SNX8: variants seen among roughly 807,000 people sequenced by gnomAD.
The protein encoded by SNX8 is sorting nexin 8.
In SNX8, 25 loss-of-function variants were observed where a neutral mutation model predicts 51.6. The ratio of observed to expected loss-of-function variants is 0.48; its 90% CI spans 0.35 to 0.68. The LOEUF (loss-of-function observed/expected upper bound fraction) is 0.68. SNX8 is among the 30% of genes least tolerant of loss of function. The pLI, the probability that SNX8 is intolerant of heterozygous loss-of-function variation, is 0.00. For synonymous variants in SNX8, 324 were observed against 277.0 expected (o/e 1.17, Z -1.68); for missense variants, 695 against 624.0 (o/e 1.11, Z -1.21).
chr7:2,308,085 G>A (rs1484445812), intron 1 of SNX8: 1 of 152,100 alleles, frequency 6.6e-6, no homozygotes, highest in Non-Finnish European at 1.5e-5. Flanking sequence ...GAGAGAGAGA[G>A]AGGATGAGCA....
chr7:2,328,741 G>A (rs1199482907), intron 1 of SNX8, among the ~76,000 whole-genome samples: 4 of 152,024 alleles, frequency 2.6e-5, no homozygotes. Context: ...CACAAGGTCA[G>A]GAGATCGAGA....
chr7:2,338,047 C>G (rs762643440), intron 1 of SNX8, among the ~76,000 whole-genome samples: 24 of 152,072 alleles, frequency 1.6e-4, no homozygotes, highest in Non-Finnish European at 2.8e-4. Context: ...GCGAAAGGGC[C>G]AGGCGCAGTG....
intron 1 of SNX8, among the ~76,000 whole-genome samples, chr7:2,287,167 G>T (rs989023221): frequency 6.6e-6 from 1 of 151,112 alleles, no homozygotes; most frequent in African/African-American, 2.4e-5. Flanking sequence ...ATTTTTCATA[G>T]AGATAGGGTC....
intron 1 of SNX8, among the ~76,000 whole-genome samples, chr7:2,348,717 C>T (rs570014286): frequency 7.3e-5 from 11 of 151,274 alleles, no homozygotes; most frequent in South Asian, 2.1e-4. Flanking sequence ...CTCTGAGAGG[C>T]GGGCGGATCA....
At chr7:2,339,061 G>A (rs1778878037) in intron 1 of SNX8, among the ~76,000 whole-genome samples, 1 of 151,998 alleles carries the variant, frequency 6.6e-6, no homozygotes, top group Non-Finnish European at 1.5e-5. Context: ...ATAGGCACAA[G>A]TCACCACACC....
intron 1 of SNX8, among the ~76,000 whole-genome samples, chr7:2,278,804 G>A (rs1204651823): frequency 5.3e-5 from 2 of 37,420 alleles, no homozygotes; most frequent in African/African-American, 2.1e-4. Flanking sequence ...CTCACACTAC[G>A]GAGTCGACGC....
upstream of SNX8, among the ~76,000 whole-genome samples, chr7:2,317,126 G>A (rs565900443): frequency 3.3e-5 from 5 of 152,130 alleles, no homozygotes; most frequent in Admixed American, 2.0e-4. Flanking sequence ...AGGAGGGCAC[G>A]AAGGCTCTGA....
intron 7 of SNX8, among the ~76,000 whole-genome samples, chr7:2,258,153 G>A (rs1271126556): frequency 6.6e-6 from 1 of 152,102 alleles, no homozygotes; most frequent in Non-Finnish European, 1.5e-5. Context: ...TGGGACTACA[G>A]GCGCCCTCCA....
chr7:2,266,193 TGTC>T (rs1011136234), intron 5 of SNX8, among the ~76,000 whole-genome samples: 1 of 152,158 alleles, frequency 6.6e-6, no homozygotes, highest in African/African-American at 2.4e-5. Context: ...TTGTTGTTGT[TGTC>T]GTCTTTGACA....
At chr7:2,332,582 C>T (rs1210829552) in intron 1 of SNX8, among the ~76,000 whole-genome samples, 4 of 152,060 alleles carry the variant, frequency 2.6e-5, no homozygotes, top group Admixed American at 1.3e-4. Flanking sequence ...ACTGAGACCC[C>T]ATCTCTACCA....
intron 6 of SNX8, 64 bp downstream of exon 6, chr7:2,264,234 C>G: frequency 6.6e-7 from 1 of 1,504,896 alleles, no homozygotes; most frequent in Non-Finnish European, 9.1e-7. Context: ...CCGCCCAAGC[C>G]CTTCACCAGC....
At chr7:2,351,244 TCA>T (rs1179653543) in intron 1 of SNX8, among the ~76,000 whole-genome samples, 2 of 152,180 alleles carry the variant, frequency 1.3e-5, no homozygotes, top group African/African-American at 4.8e-5. Context: ...TCCCACTCCT[TCA>T]CCTCAGAGGC....
rs182104805 is a variant in SNX8, at chr7:2,271,955, G to C, written c.435C>G (p.Ile145Met). 1.9e-6 allele frequency: 3 copies of C among 1,614,028 alleles called. No individual in the cohort carries two copies. The highest frequency in any genetic ancestry group is 3.3e-5 in the Admixed American group (2 of 60,028). Reference sequence around the variant, plus strand: ...GCTTCAGGGCTCTCCTCCTGGCCTCGATGAACTCCCTGTCAGCTGGAGGAG... The same window carrying C: ...GCTTCAGGGCTCTCCTCCTGGCCTCCATGAACTCCCTGTCAGCTGGAGGAG... ...KRMLGADREF[I>M]EARRRALKRF... Residue 145 changes from isoleucine to methionine, a missense_variant, in exon 4 of 11, where the codon ATC becomes ATG. Ile to Met is a conservative substitution (Grantham distance 10, BLOSUM62 1). Transcript: ENST00000222990.
intron 1 of SNX8, among the ~76,000 whole-genome samples, chr7:2,281,659 C>G (rs1795908874): frequency 6.6e-6 from 1 of 152,142 alleles, no homozygotes; most frequent in African/African-American, 2.4e-5. Flanking sequence ...CCCAGTCCCA[C>G]AGAGAGAAAA....
chr7:2,268,244 G>T (rs566863535), intron 5 of SNX8, among the ~76,000 whole-genome samples: 1 of 144,326 alleles, frequency 6.9e-6, no homozygotes, highest in Non-Finnish European at 1.5e-5. Flanking sequence ...CCCCGTCTGG[G>T]AGGTGAGGAG....
intron 1 of SNX8, among the ~76,000 whole-genome samples, chr7:2,324,510 C>T (rs1378072367): frequency 6.6e-6 from 1 of 151,868 alleles, no homozygotes. Flanking sequence ...AGGGTGGTCT[C>T]GAACTCCTGA....
intron 1 of SNX8, among the ~76,000 whole-genome samples, chr7:2,347,888 C>T (rs1779062633): frequency 1.2e-5 from 1 of 86,572 alleles, no homozygotes; most frequent in East Asian, 5.1e-4. Flanking sequence ...AGGTGATCTG[C>T]CCGCTTCGGC....
intron 1 of SNX8, among the ~76,000 whole-genome samples, chr7:2,342,352 T>C (rs1171988433): frequency 2.0e-5 from 3 of 150,950 alleles, no homozygotes; most frequent in Non-Finnish European, 3.0e-5. Flanking sequence ...TCAAGGGTTT[T>C]ATTAAGGATA....
intron 1 of SNX8, among the ~76,000 whole-genome samples, chr7:2,320,282 G>A (rs531304482): frequency 6.6e-6 from 1 of 152,182 alleles, no homozygotes; most frequent in Non-Finnish European, 1.5e-5. Flanking sequence ...TTGAACCTGG[G>A]AGGCGGAGGT....
Sources: gnomAD v4.1 joint callset for allele counts (sites outside exome capture counted in the v4.1 genomes callset) on GRCh38, gnomAD v4.1.1 for gene constraint, MANE v1.5 for transcripts, NCBI Gene and HGNC (gene_info 2026-07-23, HGNC 2026-07-21) for gene names.